Variants in TDRD7 observed in about 807,000 individuals in gnomAD.
TDRD7 encodes tudor domain containing 7.
Under a neutral mutation model 109.8 loss-of-function variants are expected in TDRD7, and 47 were observed. The ratio of observed to expected loss-of-function variants is 0.43; its 90% confidence interval spans 0.34 to 0.55. The LOEUF (loss-of-function observed/expected upper bound fraction) is 0.55. Among genes scored for constraint, TDRD7 ranks in the 20% least tolerant of loss-of-function variants. The pLI is 0.03. For missense variants in TDRD7, 1,164 were observed against 1,319.2 expected, an observed-to-expected ratio of 0.88 and a Z score of 1.82; for synonymous variants, 424 against 457.3, an observed-to-expected ratio of 0.93 and a Z score of 0.93.
intron 6 of TDRD7, among the ~76,000 whole-genome samples, chr9:97,453,745 C>T (rs1828550518): frequency 6.6e-6 from 1 of 152,052 alleles, no homozygotes; most frequent in African/African-American, 2.4e-5. Context: ...GCAGGTGTTG[C>T]AATCCTAGTC....
chr9:97,417,982 A>G (rs1044221499), intron 1 of TDRD7, among the ~76,000 whole-genome samples: 1 of 152,146 alleles, frequency 6.6e-6, no homozygotes, highest in Non-Finnish European at 1.5e-5. Flanking sequence ...AAAAGTAGCC[A>G]GGCATGGTGA....
Position 97,478,441 on chromosome 9 carries a change from C to G in TDRD7, c.2169C>G (p.Ile723Met). Residue 723 changes from isoleucine (I) to methionine (M), a missense_variant and splice_region_variant, in exon 13 of 17, where the codon ATC (isoleucine) becomes ATG (methionine). By Grantham distance (10) the Ile-to-Met change is conservative. Coordinates refer to ENST00000355295, the MANE Select transcript of TDRD7 (RefSeq NM_014290.3). ...AGCCAACACTTATCTCATTTCAGAT[C>G]ACAAATGTTCACAGCAGCCGGGCTC... The part of the protein sequence containing the change: ...HCKGKWLRVE[I>M]TNVHSSRALD... 1 of 1,613,972 alleles carries G rather than the reference C, an allele frequency of 6.2e-7. No individual in the cohort carries two copies. Among genetic ancestry groups the G allele is most frequent in the Non-Finnish European group, 8.5e-7 (1 of 1,179,954 alleles).
intron 5 of TDRD7, among the ~76,000 whole-genome samples, chr9:97,440,263 G>A (rs940469828): frequency 2.0e-5 from 3 of 152,194 alleles, no homozygotes; most frequent in African/African-American, 7.2e-5. Context: ...TGGCAGAGCT[G>A]ATAGGCACAC....
intron 1 of TDRD7, among the ~76,000 whole-genome samples, chr9:97,421,884 A>G (rs1305559396): frequency 2.0e-5 from 3 of 152,092 alleles, no homozygotes; most frequent in Non-Finnish European, 4.4e-5. Flanking sequence ...ATGGTTCTCA[A>G]AAGTCTTTGC....
intron 6 of TDRD7, among the ~76,000 whole-genome samples, chr9:97,445,037 C>G (rs1379256185): frequency 6.6e-6 from 1 of 152,186 alleles, no homozygotes; most frequent in African/African-American, 2.4e-5. Flanking sequence ...TGAGAGTTTT[C>G]AAAGCTAGGG....
In TDRD7 at chr9:97,460,355, G is replaced by C; in HGVS notation, c.1033G>C (p.Val345Leu). The change falls in exon 7 of 17, where the codon GTG becomes CTG. Residue 345 changes from valine (V) to leucine (L), a missense_variant. Around this residue, in one of 5 missense-constraint regions of TDRD7, gnomAD observed 407 missense variants for 394.0 expected, o/e 1.03. Coordinates refer to ENST00000355295, the MANE Select transcript of TDRD7 (RefSeq NM_014290.3). ...TVMAGDFKEK[V>L]ADLLVKYTSG... ...TATGGCAGGAGACTTTAAAGAAAAA[G>C]TGGCAGACCTGCTGGTGAAATACAC... 6.2e-7 allele frequency: 1 copy of C among 1,614,172 alleles called. No individual in the cohort carries two copies.
chr9:97,415,897 C>CA (rs34850424), intron 1 of TDRD7, among the ~76,000 whole-genome samples: 2 of 151,614 alleles, frequency 1.3e-5, no homozygotes, highest in African/African-American at 2.4e-5. Context: ...CCGAAAGTTT[C>CA]AAAAAAAAGT....
chr9:97,413,075 T>TCCAAA (rs1168794065), intron 1 of TDRD7, among the ~76,000 whole-genome samples: 9 of 152,210 alleles, frequency 5.9e-5, no homozygotes, highest in Non-Finnish European at 8.8e-5. Context: ...TCACCGCCCA[T>TCCAAA]CCAAACCAAA....
At chr9:97,467,435 T>G (rs1044010296) in intron 8 of TDRD7, among the ~76,000 whole-genome samples, 27 of 152,212 alleles carry the variant, frequency 1.8e-4, no homozygotes, top group African/African-American at 5.5e-4. Context: ...TGTGTGGCCT[T>G]AGGAAAGTTA....
intron 1 of TDRD7, among the ~76,000 whole-genome samples, chr9:97,422,739 A>G (rs1043777555): frequency 6.6e-6 from 1 of 152,164 alleles, no homozygotes; most frequent in East Asian, 1.9e-4. Context: ...TTTATCATAA[A>G]TACATTTTTT....
At chr9:97,491,110 T>C (rs1430322469) in intron 16 of TDRD7, among the ~76,000 whole-genome samples, 2 of 151,910 alleles carry the variant, frequency 1.3e-5, no homozygotes, top group African/African-American at 4.8e-5. Context: ...GAGACAGGCT[T>C]TTTCACCATG....
intron 1 of TDRD7, among the ~76,000 whole-genome samples, chr9:97,414,118 A>T (rs548275061): frequency 6.6e-6 from 1 of 152,316 alleles, no homozygotes; most frequent in Non-Finnish European, 1.5e-5. Context: ...GTGAAATTTT[A>T]TATTTACGTG....
chr9:97,443,811 G>A (rs1828353649), intron 6 of TDRD7, among the ~76,000 whole-genome samples: 1 of 152,132 alleles, frequency 6.6e-6, no homozygotes, highest in African/African-American at 2.4e-5. Flanking sequence ...AAAACTTAGA[G>A]CATTTTTTTA....
At chr9:97,471,764 A>G (rs1828917713) in intron 9 of TDRD7, among the ~76,000 whole-genome samples, 1 of 152,198 alleles carries the variant, frequency 6.6e-6, no homozygotes, top group African/African-American at 2.4e-5. Context: ...AAATTCATCT[A>G]ATACCTGTGT....
intron 1 of TDRD7, among the ~76,000 whole-genome samples, chr9:97,422,112 T>G (rs1003029565): frequency 6.6e-6 from 1 of 152,156 alleles, no homozygotes; most frequent in African/African-American, 2.4e-5. Flanking sequence ...ATCAGTTTAC[T>G]AGGCCGGAGG....
chr9:97,442,717 T>C (rs1050449484), intron 6 of TDRD7, among the ~76,000 whole-genome samples: 16 of 152,210 alleles, frequency 1.1e-4, no homozygotes, highest in African/African-American at 3.6e-4. Flanking sequence ...CTTTAACATA[T>C]ATTTTGGCCC....
In TDRD7 at chr9:97,418,273, A is replaced by C. The variant is rs145246555; in HGVS notation, c.-7+6035A>C. On this transcript the variant is annotated intron_variant, in intron 1 of 16. Coordinates refer to ENST00000355295, the MANE Select transcript of TDRD7 (RefSeq NM_014290.3). The stretch of plus-strand genomic sequence containing the variant: ...AATGTGAGGTTGGATAGGGTGGGAA[A>C]AGTGAAAAATAAGGATGAGCACTTC... 6.6e-5 allele frequency among the ~76,000 whole-genome samples: 10 copies of C among 152,286 alleles called. No individual in the cohort carries two copies. The East Asian group carries it at 1.9e-3, about 29-fold the overall frequency.
At chr9:97,421,057 C>T (rs1010221813) in intron 1 of TDRD7, among the ~76,000 whole-genome samples, 3 of 151,734 alleles carry the variant, frequency 2.0e-5, no homozygotes, top group Admixed American at 6.6e-5. Context: ...ATTGCTTGAA[C>T]CTGGGTGGCA....
chr9:97,458,306 T>A (rs572537018), intron 6 of TDRD7, among the ~76,000 whole-genome samples: 83 of 152,308 alleles, frequency 5.4e-4, no homozygotes, highest in African/African-American at 1.9e-3. Flanking sequence ...CATTCACTTA[T>A]AATGCTGTTT....
Sources: gnomAD v4.1 joint callset for allele counts (sites outside exome capture counted in the v4.1 genomes callset) on GRCh38, gnomAD v4.1.1 for gene constraint, gnomAD v4.1.1 regional missense constraint, MANE v1.5 for transcripts, NCBI Gene and HGNC (gene_info 2026-07-23, HGNC 2026-07-21) for gene names.